The following GDPD5 variants were observed in gnomAD, a reference collection of about 807,000 sequenced individuals.
The protein encoded by GDPD5 is glycerophosphodiester phosphodiesterase 2.
In GDPD5, 48 loss-of-function variants were observed where a neutral mutation model predicts 75.1. The observed-to-expected ratio is 0.64, with a 90% CI of 0.51 to 0.81. The LOEUF (loss-of-function observed/expected upper bound fraction) is 0.81, where lower values mean the gene tolerates loss of function less well. Ranked by LOEUF, GDPD5 falls within the 40% of genes least tolerant of loss-of-function variation. The pLI, the probability that GDPD5 is intolerant of heterozygous loss-of-function variation, is 0.00. For missense variants in GDPD5, 706 were observed against 822.6 expected (o/e 0.86, Z 1.73); for synonymous variants, 336 against 339.0 (o/e 0.99, Z 0.10).
intron 6 of GDPD5, chr11:75,450,548 C>T (rs1048270368): frequency 1.3e-5 from 2 of 156,244 alleles, no homozygotes; most frequent in African/African-American, 4.8e-5. Flanking sequence ...CCTGCCCCAT[C>T]TCCACGGCCT....
chr11:75,459,294 T>C (rs924124614), intron 4 of GDPD5, among the ~76,000 whole-genome samples: 14 of 152,066 alleles, frequency 9.2e-5, no homozygotes, highest in African/African-American at 3.4e-4. Context: ...TTCCTTAGGA[T>C]AGATTCCTAC....
chr11:75,446,250 T>C (rs564495785), intron 9 of GDPD5, among the ~76,000 whole-genome samples: 8 of 152,334 alleles, frequency 5.3e-5, no homozygotes, highest in African/African-American at 1.9e-4. Context: ...TTTTGGAAGC[T>C]TTTAGACACA....
At chr11:75,501,797 G>A (rs1311472617) in intron 1 of GDPD5, among the ~76,000 whole-genome samples, 1 of 152,148 alleles carries the variant, frequency 6.6e-6, no homozygotes, top group Non-Finnish European at 1.5e-5. Flanking sequence ...CCTCTGCCAA[G>A]GGAGTTACAC....
intron 3 of GDPD5, among the ~76,000 whole-genome samples, chr11:75,476,084 C>T (rs1949771617): frequency 6.6e-6 from 1 of 152,184 alleles, no homozygotes; most frequent in Non-Finnish European, 1.5e-5. Context: ...GGAGCTCAGC[C>T]ATCCTTCTTC....
intron 1 of GDPD5, among the ~76,000 whole-genome samples, chr11:75,492,745 T>C (rs1950132133): frequency 6.6e-6 from 1 of 152,190 alleles, no homozygotes; most frequent in African/African-American, 2.4e-5. Flanking sequence ...TTTTATTTTA[T>C]TTTTGAGACG....
Position 75,441,712 on chromosome 11 carries a change from C to T in GDPD5, c.1259G>A (p.Ser420Asn). The part of the protein sequence containing the change: ...QTSGSKEAVA[S>N]LRRGHIQRLN... ...CCGCTGGATGTGGCCTCTCCGCAGG[C>T]TGGCGACTGCCTCCTTGGAGCCTGA... is the stretch of plus-strand genomic sequence containing the variant. Residue 420 changes from serine (S) to asparagine (N), a missense_variant, in exon 13 of 17, where the codon AGC (serine) becomes AAC (asparagine). Coordinates refer to ENST00000336898, the MANE Select transcript of GDPD5 (RefSeq NM_030792.8). 6.2e-7 allele frequency: 1 copy of T among 1,611,066 alleles called. No individual in the cohort carries two copies. Among genetic ancestry groups the T allele is most frequent in the Non-Finnish European group, 8.5e-7 (1 of 1,179,624 alleles).
At chr11:75,488,669 C>T (rs368832398) in intron 2 of GDPD5, among the ~76,000 whole-genome samples, 186 of 152,300 alleles carry the variant, frequency 1.2e-3, no homozygotes, top group African/African-American at 4.2e-3. Flanking sequence ...CAAATCCCAT[C>T]CATCTTAACA....
chr11:75,512,785 G>A (rs1441145844), intron 1 of GDPD5, among the ~76,000 whole-genome samples: 1 of 151,628 alleles, frequency 6.6e-6, no homozygotes, highest in East Asian at 1.9e-4. Context: ...CGTGGTGGCG[G>A]GCACCTGTAA....
chr11:75,455,900 G>A (rs956338687), intron 6 of GDPD5, among the ~76,000 whole-genome samples: 1 of 152,226 alleles, frequency 6.6e-6, no homozygotes, highest in African/African-American at 2.4e-5. Context: ...CCTGAGGGGG[G>A]GCACTGGGAA....
At chr11:75,484,793 A>G (rs1949988008) in intron 2 of GDPD5, among the ~76,000 whole-genome samples, 1 of 152,172 alleles carries the variant, frequency 6.6e-6, no homozygotes, top group South Asian at 2.1e-4. Context: ...TACCAGCCAC[A>G]ATAGTTACTG....
rs1269468937 is a variant in GDPD5 at position 75,483,386 on chromosome 11, G to T, written c.-60-5591C>A. Among the ~76,000 whole-genome samples, 7 of 152,292 alleles carry T rather than the reference G, an allele frequency of 4.6e-5. No individual in the cohort carries two copies. In the East Asian group the frequency reaches 1.4e-3, roughly 29 times the overall value. ...CACTATGGAGCAGAGGCAGGATGCT[G>T]GGATGGGCGTGCACCTCCGGCGTCC... On this transcript the variant is annotated intron_variant, in intron 2 of 16. Coordinates refer to ENST00000336898, the MANE Select transcript of GDPD5 (RefSeq NM_030792.8).
At chr11:75,465,794 C>CT (rs1297021783) in intron 3 of GDPD5, among the ~76,000 whole-genome samples, 1 of 152,148 alleles carries the variant, frequency 6.6e-6, no homozygotes, top group African/African-American at 2.4e-5. Flanking sequence ...TGAGAGGGAC[C>CT]TAGGCGAGGG....
intron 4 of GDPD5, among the ~76,000 whole-genome samples, chr11:75,460,469 G>A (rs903798625): frequency 1.3e-5 from 2 of 152,062 alleles, no homozygotes; most frequent in African/African-American, 4.8e-5. Flanking sequence ...GATGAGGTTA[G>A]AGTTACCCCA....
intron 9 of GDPD5, among the ~76,000 whole-genome samples, chr11:75,447,655 C>T (rs1592070029): frequency 6.6e-6 from 1 of 152,328 alleles, no homozygotes; most frequent in East Asian, 1.9e-4. Context: ...GGGCCACCTT[C>T]CTGCTTCAGC....
In GDPD5 at chr11:75,491,131, G is replaced by C. The variant is rs552748846; in HGVS notation, c.-144-811C>G. On this transcript the variant is annotated intron_variant, in intron 1 of 16. Transcript: ENST00000336898. ...GGATTCTAGAGCCACACACCAGCAA[G>C]AAACACATAACCAAACACACACCTC... Among the ~76,000 whole-genome samples, 7 of 152,270 alleles carry C rather than the reference G, an allele frequency of 4.6e-5. No homozygotes were observed. The South Asian group carries it at 1.4e-3, about 32-fold the overall frequency.
intron 9 of GDPD5, chr11:75,448,542 T>C (rs1027442425): frequency 2.0e-6 from 2 of 988,884 alleles, no homozygotes; most frequent in African/African-American, 3.5e-5. Flanking sequence ...AATGCGGCGC[T>C]GACTTTGATC....
At position 75,449,927 on chromosome 11, in the gene GDPD5, C is replaced by A. The variant is rs11825528; in HGVS notation, c.432G>T (p.Gln144His). 1 of 1,613,832 alleles carries A rather than the reference C, an allele frequency of 6.2e-7. No homozygotes were observed. The highest frequency in any genetic ancestry group is 1.7e-5 in the Admixed American group (1 of 60,030). Residue 144 changes from glutamine (Q) to histidine (H), a missense_variant, in exon 7 of 17, where the codon CAG becomes CAT. Coordinates refer to ENST00000336898, the MANE Select transcript of GDPD5 (RefSeq NM_030792.8). ...GCACCTCCCACTCGTCCTCCCACAG[C>A]TGGGCCACGGCCGACATGGCCACCA... ...STVVAMSAVA[Q>H]LWEDEWEVLL...
At chr11:75,507,627 C>T (rs561876173) in intron 1 of GDPD5, among the ~76,000 whole-genome samples, 25 of 152,300 alleles carry the variant, frequency 1.6e-4, no homozygotes, top group South Asian at 6.2e-4. Flanking sequence ...GGTTGCCCCA[C>T]GAGGCCATCT....
chr11:75,463,124 C>A (rs754879950), intron 3 of GDPD5, among the ~76,000 whole-genome samples: 163 of 152,218 alleles, frequency 1.1e-3, no homozygotes, highest in Non-Finnish European at 1.7e-3. Flanking sequence ...GGGCCTCCCC[C>A]CCTGGGGCTG....
Sources: allele counts gnomAD v4.1 joint callset (sites outside exome capture counted in the v4.1 genomes callset), GRCh38; gene constraint gnomAD v4.1.1; transcripts MANE v1.5; gene names NCBI Gene and HGNC (gene_info 2026-07-23, HGNC 2026-07-21).